Variants in TPP1 observed in about 807,000 individuals in gnomAD.
The protein encoded by TPP1 is tripeptidyl-peptidase 1.
A neutral mutation model predicts 67.6 loss-of-function variants in TPP1; 43 were observed. The observed-to-expected ratio is 0.64, with a 90% confidence interval of 0.50 to 0.82. TPP1 has a LOEUF of 0.82. Ranked by LOEUF, TPP1 falls within the 40% of genes least tolerant of loss-of-function variation. The pLI is 0.00. For synonymous variants in TPP1, 272 were observed against 281.5 expected (o/e 0.97, Z 0.34); for missense variants, 671 against 710.9 (o/e 0.94, Z 0.64).
At chr11:6,616,906 CAGGGTGGT>C in intron 6 of TPP1, 47 bp from the exon 7 acceptor site, 2 of 1,614,022 alleles carry the variant, frequency 1.2e-6, no homozygotes, top group Non-Finnish European at 1.7e-6. Flanking sequence ...GGGTGAGTCC[CAGGGTGGT>C]AAGGAATTGA....
rs527416025 is a variant in TPP1 at position 6,613,322 on chromosome 11, G to A, written c.*1224C>T. On this transcript the variant is annotated 3_prime_UTR_variant, in exon 13 of 13. Coordinates refer to ENST00000299427, the MANE Select transcript of TPP1 (RefSeq NM_000391.4). ...TCAGGGGTGGTAAGGGGACGGAACA[G>A]CTTGAGCAAGAGTGAGAGTTCCTTG... is the stretch of plus-strand genomic sequence containing the variant. The A allele has an allele frequency of 6.6e-6, 1 of 152,322 alleles. No homozygotes were observed. The highest frequency in any genetic ancestry group is 1.5e-5 in the Non-Finnish European group (1 of 68,030). The allele number at this position is 152,322 out of a possible 1,614,324, so 9.4% of individuals were successfully genotyped here.
intron 8 of TPP1, 85 bp from the exon 9 acceptor site, chr11:6,616,159 G>C: frequency 1.3e-6 from 2 of 1,589,242 alleles, no homozygotes; most frequent in Non-Finnish European, 1.7e-6. Flanking sequence ...ATTTGTTACT[G>C]TAGGAGGTCA....
chr11:6,617,747 C>T lies in TPP1; in HGVS notation c.259G>A (p.Asp87Asn), dbSNP rs1375524378. 3 of 1,614,220 alleles carry T rather than the reference C, an allele frequency of 1.9e-6. No individual in the cohort carries two copies. Among genetic ancestry groups the T allele is most frequent in the African/African-American group, 1.3e-5 (1 of 75,058 alleles). ...GTCAGTGGGGATGGCCTCACCAGAT[C>T]AGCCACATTCTCTAGGGTCAGGTAT... Reference protein sequence around the residue: ...GKYLTLENVADLVRPSPLTLH... With the variant: ...GKYLTLENVANLVRPSPLTLH... The change falls in exon 4 of 13, where the codon GAT becomes AAT. Residue 87 changes from aspartate to asparagine, a missense_variant. By Grantham distance (23) the Asp-to-Asn change is conservative. Coordinates refer to ENST00000299427, the MANE Select transcript of TPP1 (RefSeq NM_000391.4).
Position 6,616,783 on chromosome 11 carries a change from G to A in TPP1, c.764C>T (p.Ala255Val). The change falls in exon 7 of 13, where the codon GCA becomes GTA. Residue 255 changes from alanine to valine, a missense_variant. Coordinates refer to ENST00000299427, the MANE Select transcript of TPP1 (RefSeq NM_000391.4). Reference sequence around the variant, plus strand: ...TTGTCCAACCACACGGGCTACTGATGCCTGATGTGCAAAGTTGCCACCGAA... The same window carrying A: ...TTGTCCAACCACACGGGCTACTGATACCTGATGTGCAAAGTTGCCACCGAA... Reference protein sequence around the residue: ...RLFGGNFAHQASVARVVGQQG... With the variant: ...RLFGGNFAHQVSVARVVGQQG... 1.2e-6 allele frequency: 2 copies of A among 1,613,968 alleles called. No homozygotes were observed. Among genetic ancestry groups the A allele is most frequent in the Middle Eastern group, 1.6e-4 (1 of 6,062 alleles).
rs553122824 is a variant in TPP1 at position 6,616,501 on chromosome 11, G to A, written c.889C>T (p.Arg297Trp). 2.3e-5 allele frequency: 36 copies of A among 1,563,282 alleles called. No individual in the cohort carries two copies. Among genetic ancestry groups the A allele is most frequent in the African/African-American group, 2.0e-4 (13 of 66,162 alleles). Residue 297 changes from arginine (R) to tryptophan (W), a missense_variant and splice_region_variant, in exon 8 of 13, where the codon CGG becomes TGG. Arg to Trp is a moderately radical substitution (Grantham distance 101). Coordinates refer to ENST00000299427, the MANE Select transcript of TPP1 (RefSeq NM_000391.4). Reference protein sequence around the residue: ...ISTWVYSSPGRHEGQEPFLQW... With the variant: ...ISTWVYSSPGWHEGQEPFLQW... ...AGGAAGGGCTCCTGTCCCTCATGCC[G>A]GCCTGGATTTTTTTTTTTTTTTTTT...
chr11:6,616,601 A>G (rs1855589488), intron 7 of TPP1, 60 bp downstream of exon 7: 1 of 1,606,074 alleles, frequency 6.2e-7, no homozygotes, highest in Non-Finnish European at 8.5e-7. Context: ...CCCTTGAGGG[A>G]GCAGGGATCA....
Position 6,614,303 on chromosome 11 carries a change from C to CA in TPP1, c.*242dup, listed in dbSNP as rs1255203833. On this transcript the variant is annotated 3_prime_UTR_variant, in exon 13 of 13. Transcript: ENST00000299427. ...GATGAGATGCGGAGGGAGAGGCATT[C>CA]AAAAAATGCTAGTTACAGCATCTTA... is the stretch of plus-strand genomic sequence containing the variant. 1 of 577,988 alleles carries CA rather than the reference C, an allele frequency of 1.7e-6. No homozygotes were observed. Among genetic ancestry groups the CA allele is most frequent in the Non-Finnish European group, 3.1e-6 (1 of 323,790 alleles). The allele number at this position is 577,988 out of a possible 1,614,324, so 35.8% of individuals were successfully genotyped here.
In TPP1 at chr11:6,613,481, A is replaced by G. The variant is rs1370020668; in HGVS notation, c.*1065T>C. ...GTAATCCTTGAAGGGTTTTCATCCA[A>G]GTGGCCTGATGGGATTTGCATTTTA... On this transcript the variant is annotated 3_prime_UTR_variant, in exon 13 of 13. Coordinates refer to ENST00000299427, the MANE Select transcript of TPP1 (RefSeq NM_000391.4). 4 of 152,316 alleles carry G rather than the reference A, an allele frequency of 2.6e-5. No individual in the cohort carries two copies. The highest frequency in any genetic ancestry group is 6.5e-5 in the Admixed American group (1 of 15,280). 9.4% of individuals were successfully genotyped at this position (152,316 alleles called of 1,614,324 possible).
chr11:6,615,719 C>T, intron 9 of TPP1, 157 bp from the exon 10 acceptor site: 1 of 1,005,358 alleles, frequency 9.9e-7, no homozygotes. Context: ...GCCTTCAAGG[C>T]ATGGCCCGAG....
Position 6,618,792 on chromosome 11 carries a change from GGGATCCGACACAGC to G in TPP1, c.199_212del (p.Ala67GlnfsTer16). 1 of 1,613,902 alleles carries G rather than the reference GGGATCCGACACAGC, an allele frequency of 6.2e-7. No homozygotes were observed. The highest frequency in any genetic ancestry group is 8.5e-7 in the Non-Finnish European group (1 of 1,180,034). On this transcript the variant is annotated frameshift_variant, in exon 3 of 13. Coordinates refer to ENST00000299427, the MANE Select transcript of TPP1 (RefSeq NM_000391.4). LOFTEE classifies it high-confidence loss of function. ...AAAAGGCACCGTATTGAGGAGAGCT[GGGATCCGACACAGC>G]CTGCACCAGCTCCGAGAGTCTTTCC...
At position 6,617,148 on chromosome 11, in the gene TPP1, C is replaced by A. The variant is rs1368354280; in HGVS notation, c.514G>T (p.Gly172Ter). ...ALAPHVDFVG[G>*]LHRFPPTSSL... is the part of the protein sequence containing the mutation. ...GATGTTGGGGGAAAACGGTGCAGTC[C>A]CCCCACTGTAGGGAGAAGTCAGGCT... Residue 172 changes from glycine (G) to a stop codon, truncating the protein, a stop_gained, in exon 6 of 13, where the codon GGA becomes TGA. Coordinates refer to ENST00000299427, the MANE Select transcript of TPP1 (RefSeq NM_000391.4). LOFTEE classifies it high-confidence loss of function. 1 of 1,614,060 alleles carries A rather than the reference C, an allele frequency of 6.2e-7. No individual in the cohort carries two copies. Among genetic ancestry groups the A allele is most frequent in the Admixed American group, 1.7e-5 (1 of 60,008 alleles).
chr11:6,616,062 GC>G lies in TPP1; in HGVS notation c.1087del (p.Ala363ProfsTer64), dbSNP rs2134592949. On this transcript the variant is annotated frameshift_variant, in exon 9 of 13. Coordinates refer to ENST00000299427, the MANE Select transcript of TPP1 (RefSeq NM_000391.4). LOFTEE classifies it high-confidence loss of function. Reference protein sequence around the residue: ...TLLFASGDSGAGCWSVSGRHQ... With the variant: ...TLLFASGDSGXGCWSVSGRHQ... ...TCTTCCAGAGACAGACCAACACCCG[GC>G]CCCACTGTCACCTGAGAGAGACCAA... The G allele has an allele frequency of 1.2e-6, 2 of 1,614,186 alleles. No homozygotes were observed. The highest frequency in any genetic ancestry group is 8.5e-7 in the Non-Finnish European group (1 of 1,180,016).
chr11:6,614,953 G>T lies in TPP1; in HGVS notation c.1464C>A (p.Ile488=). The change falls in exon 12 of 13, where the codon ATC becomes ATA. Residue 488 remains isoleucine (I), a synonymous_variant. Transcript: ENST00000299427. ...GGCCACTAAGGATCCTGTGCTCATT[G>T]ATCAAGGATAGGATCCCCCCAAACA... ...TPVFGGILSL[I]NEHRILSGRP... is the part of the protein sequence containing the mutation. The T allele has an allele frequency of 1.2e-6, 2 of 1,614,124 alleles. No individual in the cohort carries two copies. Among genetic ancestry groups the T allele is most frequent in the South Asian group, 1.1e-5 (1 of 91,084 alleles).
In TPP1 at chr11:6,617,708, G is replaced by A. The variant is rs201661852; in HGVS notation, c.298C>T (p.Gln100Ter). 6.2e-7 allele frequency: 1 copy of A among 1,614,178 alleles called. No homozygotes were observed. The highest frequency in any genetic ancestry group is 8.5e-7 in the Non-Finnish European group (1 of 1,180,012). ...RPSPLTLHTV[Q>*]KWLLAAGAQK... is the part of the protein sequence containing the mutation. ...GCTCCGGCTGCCAAGAGCCATTTTTGCACCGTGTGGAGGGTCAGTGGGGAT... is the reference window on the plus strand; with the variant it reads ...GCTCCGGCTGCCAAGAGCCATTTTTACACCGTGTGGAGGGTCAGTGGGGAT... The change falls in exon 4 of 13, where the codon CAA becomes TAA. Residue 100 changes from glutamine to a stop codon, truncating the protein, a stop_gained. Transcript: ENST00000299427. LOFTEE classifies it high-confidence loss of function.
At chr11:6,617,219 AC>A in intron 5 of TPP1, 66 bp from the exon 6 acceptor site, 1 of 1,613,310 alleles carries the variant, frequency 6.2e-7, no homozygotes, top group South Asian at 1.1e-5. Flanking sequence ...AACTCACCCC[AC>A]CCCCAGTCCC....
chr11:6,618,311 T>C (rs1381515917), intron 3 of TPP1: 1 of 338,300 alleles, frequency 3.0e-6, no homozygotes, highest in Non-Finnish European at 5.6e-6. Context: ...ATTTTGACTG[T>C]TGGAGAGACT....
chr11:6,616,475 C>T lies in TPP1; in HGVS notation c.915G>A (p.Leu305=), dbSNP rs1353216958. The T allele has an allele frequency of 1.2e-6, 2 of 1,608,940 alleles. No homozygotes were observed. Among genetic ancestry groups the T allele is most frequent in the Non-Finnish European group, 8.5e-7 (1 of 1,179,606 alleles). The change falls in exon 8 of 13, where the codon CTG becomes CTA. Residue 305 remains leucine, a synonymous_variant. Transcript: ENST00000299427. ...CATTACTGAGCAGCATGAGCCACTGCAGGAAGGGCTCCTGTCCCTCATGCC... is the reference window on the plus strand; with the variant it reads ...CATTACTGAGCAGCATGAGCCACTGTAGGAAGGGCTCCTGTCCCTCATGCC... The part of the protein sequence containing the change: ...PGRHEGQEPF[L]QWLMLLSNES...
In TPP1 at chr11:6,616,033, G is replaced by C. The variant is rs112812685; in HGVS notation, c.1117C>G (p.Gln373Glu). The C allele has an allele frequency of 1.5e-3, 2,377 of 1,614,168 alleles. 20 individuals carry two copies. The African/African-American group carries it at 0.027, about 18-fold the overall frequency. The change falls in exon 9 of 13, where the codon CAG (glutamine) becomes GAG (glutamate). Residue 373 changes from glutamine (Q) to glutamate (E), a missense_variant. By Grantham distance (29) the Gln-to-Glu change is conservative. Coordinates refer to ENST00000299427, the MANE Select transcript of TPP1 (RefSeq NM_000391.4). ...GAGGCAGGGAAGGTAGGGCGGAACT[G>C]GTGTCTTCCAGAGACAGACCAACAC... ...AGCWSVSGRH[Q>E]FRPTFPASSP... is the part of the protein sequence containing the mutation.
rs987390731 is a variant in TPP1, at chr11:6,614,594, C to T, written c.1644G>A (p.Trp548Ter). ...GCAAAGCTGGGAAGTTGGGTGTTCC[C>T]CAGCCTGTTACAGGATCCCAGCCAG... ...SGPGWDPVTG[W>*]GTPNFPALLK... The change falls in exon 13 of 13, where the codon TGG becomes TGA. Residue 548 changes from tryptophan (W) to a stop codon, truncating the protein, a stop_gained. Transcript: ENST00000299427. LOFTEE classifies it high-confidence loss of function. The T allele has an allele frequency of 1.9e-6, 3 of 1,613,946 alleles. No homozygotes were observed. Among genetic ancestry groups the T allele is most frequent in the Non-Finnish European group, 2.5e-6 (3 of 1,180,010 alleles).
Sources: allele counts gnomAD v4.1 joint callset, GRCh38; gene constraint gnomAD v4.1.1; transcripts MANE v1.5; gene names NCBI Gene and HGNC (gene_info 2026-07-23, HGNC 2026-07-21).